IAH1: variants seen among roughly 807,000 people sequenced by gnomAD.
IAH1 encodes isoamyl acetate hydrolyzing esterase 1 (putative), also known as isoamyl acetate-hydrolyzing esterase 1 homolog.
IAH1 carries 24 observed loss-of-function variants against 26.7 expected under a neutral mutation model. That is an observed-to-expected ratio of 0.90 (90% CI 0.65 to 1.26). IAH1 has a LOEUF of 1.26. Ranked by LOEUF, IAH1 falls within the 50% of genes most tolerant of loss-of-function variation. The pLI, the probability that IAH1 is intolerant of heterozygous loss-of-function variation, is 0.00. For synonymous variants in IAH1, 140 were observed against 118.5 expected (o/e 1.18, Z -1.18); for missense variants, 300 against 299.9 (o/e 1.00, Z 0.00).
At chr2:9,503,344 G>A in the IAH1 span, among the ~76,000 whole-genome samples, 2 of 152,086 alleles carry the variant, frequency 1.3e-5, no homozygotes, top group African/African-American at 4.8e-5. Context: ...GTCTATCAGT[G>A]TATATAAAAA....
chr2:9,485,028 G>T (rs1661394877), intron 5 of IAH1: 1 of 155,428 alleles, frequency 6.4e-6, no homozygotes, highest in South Asian at 2.0e-4. Flanking sequence ...GGAGACAGCT[G>T]GTTTCTGACG....
At chr2:9,479,811 T>C (rs1259892364) in intron 3 of IAH1, among the ~76,000 whole-genome samples, 2 of 124,668 alleles carry the variant, frequency 1.6e-5, no homozygotes. Context: ...TTTTTTTTTT[T>C]TTTTTTTTTT....
chr2:9,475,039 GC>G, intron 1 of IAH1: 1 of 1,138,370 alleles, frequency 8.8e-7, no homozygotes, highest in African/African-American at 1.6e-5. Flanking sequence ...AGGAGGCCCC[GC>G]GGCCAGCTCC....
downstream of IAH1, among the ~76,000 whole-genome samples, chr2:9,498,735 T>C (rs1381680766): frequency 6.6e-6 from 1 of 152,260 alleles, no homozygotes; most frequent in Non-Finnish European, 1.5e-5. Flanking sequence ...GAAAGTATGA[T>C]GTCCAGTGAG....
downstream of IAH1, among the ~76,000 whole-genome samples, chr2:9,501,518 G>C (rs551511678): frequency 2.6e-5 from 4 of 152,188 alleles, no homozygotes; most frequent in Non-Finnish European, 5.9e-5. Flanking sequence ...GAAGGCAATG[G>C]AAGTAGCTAC....
chr2:9,474,831 C>G lies in IAH1; in HGVS notation c.81+184C>G, dbSNP rs1010498065. ...GTGGCTGCGCCTTCCGGGCCCGCGGCGTCCCGGAGGTCACGACGGCGTCCG... is the reference window on the plus strand; with the variant it reads ...GTGGCTGCGCCTTCCGGGCCCGCGGGGTCCCGGAGGTCACGACGGCGTCCG... On this transcript the variant is annotated intron_variant, in intron 1 of 5. Transcript: ENST00000497473. This position sits in a 1 kb window ranked among gnomAD's most constrained non-coding sequence, Gnocchi z 4.3. The G allele has an allele frequency of 1.1e-5, 6 of 527,176 alleles. No homozygotes were observed. In the African/African-American group the frequency reaches 1.2e-4, roughly 11 times the overall value. The allele number at this position is 527,176 out of a possible 1,614,324, so 32.7% of individuals were successfully genotyped here.
intron 5 of IAH1, chr2:9,486,482 C>G (rs190889086): frequency 6.6e-6 from 1 of 152,162 alleles, no homozygotes; most frequent in African/African-American, 2.4e-5. Flanking sequence ...AAACCAAGGC[C>G]GAAGAAGAAG....
chr2:9,474,707 C>G lies in IAH1; in HGVS notation c.81+60C>G, dbSNP rs924772695. 33 of 1,296,504 alleles carry G rather than the reference C, an allele frequency of 2.5e-5. No individual in the cohort carries two copies. In the African/African-American group the frequency reaches 4.6e-4, roughly 18 times the overall value. 80.3% of individuals were successfully genotyped at this position (1,296,504 alleles called of 1,614,324 possible). A position where few individuals can be genotyped will look rare whatever the true frequency, so the allele number is the denominator to read the frequency against. ...GCCTCCCTGCGGGGTCGCTGCCGAG[C>G]AGGCCGAGGCTCCTCGCCGTCCTCT... On this transcript the variant is annotated intron_variant, in intron 1 of 5. Coordinates refer to ENST00000497473, the MANE Select transcript of IAH1 (RefSeq NM_001039613.3). This position sits in a 1 kb window ranked among gnomAD's most constrained non-coding sequence, Gnocchi z 4.3.
At chr2:9,496,837 C>A (rs1662644360), downstream of IAH1, among the ~76,000 whole-genome samples, 1 of 152,138 alleles carries the variant, frequency 6.6e-6, no homozygotes, top group South Asian at 2.1e-4. Flanking sequence ...CACCCACTCA[C>A]CCCCAACAAA....
chr2:9,482,866 A>G (rs1231728033), intron 4 of IAH1, among the ~76,000 whole-genome samples: 1 of 152,192 alleles, frequency 6.6e-6, no homozygotes, highest in Non-Finnish European at 1.5e-5. Flanking sequence ...ATCAGGGCAG[A>G]GGGGCCCTAT....
intron 5 of IAH1, chr2:9,485,803 T>C (rs1481467077): frequency 6.6e-6 from 1 of 152,324 alleles, no homozygotes; most frequent in East Asian, 1.9e-4. Context: ...TCTGTGACCT[T>C]GTGCTACTCT....
chr2:9,485,992 A>G (rs550242204), intron 5 of IAH1: 1 of 152,324 alleles, frequency 6.6e-6, no homozygotes, highest in African/African-American at 2.4e-5. Context: ...GGTTTCCTCT[A>G]TTCCTAGCTG....
downstream of IAH1, among the ~76,000 whole-genome samples, chr2:9,499,352 G>A (rs1300040791): frequency 6.6e-6 from 1 of 152,054 alleles, no homozygotes; most frequent in Non-Finnish European, 1.5e-5. Flanking sequence ...AGCATAGCTA[G>A]CAAATGCTTC....
At chr2:9,504,180 C>T in the IAH1 span, among the ~76,000 whole-genome samples, 1 of 152,086 alleles carries the variant, frequency 6.6e-6, no homozygotes, top group African/African-American at 2.4e-5. Context: ...GGCACGGTGG[C>T]TCCCCTCTGT....
downstream of IAH1, chr2:9,497,274 AAAAG>A: frequency 6.2e-7 from 1 of 1,613,082 alleles, no homozygotes; most frequent in Non-Finnish European, 8.5e-7. Context: ...AGTCATAACA[AAAAG>A]AATGAGTCAC....
chr2:9,488,746 A>C lies in IAH1; in HGVS notation c.*417A>C, dbSNP rs1661808010. ...GACTAGTTAAAAGATAGCAAATACC[A>C]TAAGGTACAAGTTCAAGTATTAGTA... On this transcript the variant is annotated 3_prime_UTR_variant, in exon 6 of 6. Coordinates refer to ENST00000497473, the MANE Select transcript of IAH1 (RefSeq NM_001039613.3). 1 of 153,308 alleles carries C rather than the reference A, an allele frequency of 6.5e-6. No homozygotes were observed. The highest frequency in any genetic ancestry group is 2.4e-5 in the African/African-American group (1 of 41,490). 9.5% of individuals were successfully genotyped at this position (153,308 alleles called of 1,614,324 possible).
At chr2:9,493,590 T>C (rs1260969951), downstream of IAH1, among the ~76,000 whole-genome samples, 1 of 152,246 alleles carries the variant, frequency 6.6e-6, no homozygotes, top group African/African-American at 2.4e-5. Context: ...TATGAGTTCA[T>C]TTTATTCTAG....
chr2:9,505,021 C>A, the IAH1 span: 1 of 902,804 alleles, frequency 1.1e-6, no homozygotes, highest in Non-Finnish European at 1.7e-6. Context: ...CAATTTCTTG[C>A]TGTGAAGGGC....
At chr2:9,487,103 T>C (rs1474832601) in intron 5 of IAH1, among the ~76,000 whole-genome samples, 3 of 151,972 alleles carry the variant, frequency 2.0e-5, no homozygotes, top group African/African-American at 4.8e-5. Context: ...TAGCCAGGTA[T>C]GGTGGCACGT....
Sources: allele counts gnomAD v4.1 joint callset (sites outside exome capture counted in the v4.1 genomes callset), GRCh38; gene constraint gnomAD v4.1.1; non-coding constraint Gnocchi (gnomAD v3.1); transcripts MANE v1.5; gene names NCBI Gene and HGNC (gene_info 2026-07-23, HGNC 2026-07-21).